Variants in EPHB2 observed in about 807,000 individuals in gnomAD.
EPHB2 encodes EPH receptor B2.
EPHB2 carries 18 observed loss-of-function variants against 96.4 expected under a neutral mutation model. That is an observed-to-expected ratio of 0.19 (90% CI 0.13 to 0.28). EPHB2 has a LOEUF of 0.28. Ranked by LOEUF, EPHB2 falls within the 10% of genes least tolerant of loss-of-function variation. The pLI is 1.00. For synonymous variants in EPHB2, 506 were observed against 534.1 expected (o/e 0.95, Z 0.72); for missense variants, 989 against 1,355.4 (o/e 0.73, Z 4.25).
At position 22,912,441 on chromosome 1, in the gene EPHB2, C is replaced by A. The variant is rs775884363; in HGVS notation, c.2697-3C>A. The A allele has an allele frequency of 6.2e-7, 1 of 1,614,024 alleles. No homozygotes were observed. The highest frequency in any genetic ancestry group is 8.5e-7 in the Non-Finnish European group (1 of 1,180,034). Reference sequence around the variant, plus strand: ...CATCTCTGTCGCCCACCCCCAACCCCAGCATCAACCTGCCGCTGCTGGACC... The same window carrying A: ...CATCTCTGTCGCCCACCCCCAACCCAAGCATCAACCTGCCGCTGCTGGACC... On this transcript the variant is annotated splice_polypyrimidine_tract_variant and splice_region_variant and intron_variant, in intron 14 of 15. Transcript: ENST00000374630.
intron 5 of EPHB2, among the ~76,000 whole-genome samples, chr1:22,871,887 A>G (rs956591027): frequency 4.6e-5 from 7 of 152,028 alleles, no homozygotes; most frequent in Admixed American, 4.6e-4. Context: ...ATGGTGGCGC[A>G]CACCTGTCAT....
rs183392286 is a variant in EPHB2 at position 22,747,369 on chromosome 1, C to A, written c.62-34052C>A. ...TTATATTACTTAATCCTTGACATTG[C>A]CCCCAGGTGGTGAAGTGGCTTGCCC... On this transcript the variant is annotated intron_variant, in intron 1 of 15. Transcript: ENST00000374630. Among the ~76,000 whole-genome samples the A allele has an allele frequency of 5.5e-4, 84 of 152,312 alleles. No homozygotes were observed. In the South Asian group the frequency reaches 0.01, roughly 19 times the overall value.
intron 3 of EPHB2, among the ~76,000 whole-genome samples, chr1:22,843,629 C>G (rs1172689366): frequency 6.6e-6 from 1 of 152,182 alleles, no homozygotes; most frequent in African/African-American, 2.4e-5. Flanking sequence ...CAACCTGTAC[C>G]TCGCAGATTC....
At chr1:22,890,978 A>G in intron 6 of EPHB2, 2 of 420,320 alleles carry the variant, frequency 4.8e-6, no homozygotes, top group Middle Eastern at 3.6e-4. Flanking sequence ...TAGCAGCATG[A>G]GAAGGGACTA....
intron 6 of EPHB2, among the ~76,000 whole-genome samples, chr1:22,889,386 C>T (rs747901109): frequency 3.3e-5 from 5 of 152,198 alleles, no homozygotes; most frequent in Non-Finnish European, 5.9e-5. Context: ...CAAGTCTGAG[C>T]AGAGCCCATG....
At chr1:22,815,329 A>G (rs1645060002) in intron 3 of EPHB2, among the ~76,000 whole-genome samples, 1 of 152,172 alleles carries the variant, frequency 6.6e-6, no homozygotes, top group Non-Finnish European at 1.5e-5. Flanking sequence ...ACAGCCTAAG[A>G]CCCTCACACC....
chr1:22,897,980 G>C (rs1444490637), intron 9 of EPHB2, among the ~76,000 whole-genome samples: 1 of 151,734 alleles, frequency 6.6e-6, no homozygotes, highest in African/African-American at 2.4e-5. Context: ...ATGTACGTCT[G>C]TAGTTCCAGC....
chr1:22,798,328 G>T (rs1225693951), intron 3 of EPHB2, among the ~76,000 whole-genome samples: 2 of 152,328 alleles, frequency 1.3e-5, no homozygotes, highest in African/African-American at 4.8e-5. Context: ...CGCCCCACAG[G>T]TCTGTCTGTG....
chr1:22,870,317 C>T (rs541477394), intron 5 of EPHB2, among the ~76,000 whole-genome samples: 3 of 152,188 alleles, frequency 2.0e-5, no homozygotes, highest in Non-Finnish European at 2.9e-5. Flanking sequence ...GCTCATGGCC[C>T]CGAGGAAGGA....
At chr1:22,876,350 T>A (rs1437431018) in intron 5 of EPHB2, among the ~76,000 whole-genome samples, 1 of 152,116 alleles carries the variant, frequency 6.6e-6, no homozygotes, top group Non-Finnish European at 1.5e-5. Context: ...CCTGGGATCC[T>A]AGTCCCAGAA....
At chr1:22,727,079 A>G (rs1643598568) in intron 1 of EPHB2, among the ~76,000 whole-genome samples, 1 of 152,236 alleles carries the variant, frequency 6.6e-6, no homozygotes, top group South Asian at 2.1e-4. Context: ...TATGGCTGAC[A>G]TTGGAAGCAG....
chr1:22,894,368 C>T lies in EPHB2; in HGVS notation c.1592-1104C>T, dbSNP rs184305821. Among the ~76,000 whole-genome samples the T allele has an allele frequency of 1.6e-4, 25 of 152,144 alleles. No homozygotes were observed. The East Asian group carries it at 3.7e-3, about 22-fold the overall frequency. ...ATCCCAGCACTATGGGAAGCCAAGG[C>T]GGGTGGATCACCTGAGGTCAGGAGT... is the stretch of plus-strand genomic sequence containing the variant. On this transcript the variant is annotated intron_variant, in intron 7 of 15. Coordinates refer to ENST00000374630, the MANE Select transcript of EPHB2 (RefSeq NM_017449.5).
At chr1:22,767,916 T>G (rs1461425821) in intron 1 of EPHB2, among the ~76,000 whole-genome samples, 1 of 152,066 alleles carries the variant, frequency 6.6e-6, no homozygotes. Flanking sequence ...ACTGAGCAGC[T>G]CTCCTGAGAA....
intron 3 of EPHB2, among the ~76,000 whole-genome samples, chr1:22,841,425 A>C (rs1645467003): frequency 6.6e-6 from 1 of 152,102 alleles, no homozygotes; most frequent in African/African-American, 2.4e-5. Flanking sequence ...GGCTCAGTGC[A>C]AAGGAGGCCA....
intron 1 of EPHB2, among the ~76,000 whole-genome samples, chr1:22,735,363 C>T: frequency 6.6e-6 from 1 of 151,122 alleles, no homozygotes; most frequent in Non-Finnish European, 1.5e-5. Flanking sequence ...CGCTTGAGCC[C>T]AGGAGGTCAA....
At chr1:22,801,915 G>A (rs1425512280) in intron 3 of EPHB2, among the ~76,000 whole-genome samples, 2 of 152,228 alleles carry the variant, frequency 1.3e-5, no homozygotes, top group East Asian at 1.9e-4. Context: ...TTAGAGGAGC[G>A]GACAGGGAGA....
chr1:22,907,874 G>A (rs1171221677), intron 11 of EPHB2, 79 bp from the exon 12 acceptor site: 3 of 1,560,562 alleles, frequency 1.9e-6, no homozygotes, highest in Admixed American at 1.7e-5. Context: ...CCCTGCTCTG[G>A]TTTCCCATTA....
intron 4 of EPHB2, among the ~76,000 whole-genome samples, chr1:22,863,403 C>A (rs758138006): frequency 4.6e-5 from 7 of 152,232 alleles, no homozygotes; most frequent in East Asian, 1.9e-4. Flanking sequence ...CTCCTTACCC[C>A]CTTCTGCTGA....
At chr1:22,757,868 C>CA (rs75761217) in intron 1 of EPHB2, among the ~76,000 whole-genome samples, 5 of 142,100 alleles carry the variant, frequency 3.5e-5, no homozygotes, top group African/African-American at 1.4e-4. Flanking sequence ...TTCCCCCCAG[C>CA]AAAAAAAAAT....
Sources: allele counts gnomAD v4.1 joint callset (sites outside exome capture counted in the v4.1 genomes callset), GRCh38; gene constraint gnomAD v4.1.1; transcripts MANE v1.5; gene names NCBI Gene and HGNC (gene_info 2026-07-23, HGNC 2026-07-21).